The following SLC4A4 variants were observed in gnomAD, a reference collection of about 807,000 sequenced individuals.
SLC4A4 encodes the protein electrogenic sodium bicarbonate cotransporter 1.
Under a neutral mutation model 111.5 loss-of-function variants are expected in SLC4A4, and 27 were observed. The ratio of observed to expected loss-of-function variants is 0.24; its 90% CI spans 0.18 to 0.33. SLC4A4 has a LOEUF of 0.33. SLC4A4 is among the 10% of genes least tolerant of loss of function. The probability of loss-of-function intolerance (pLI) is 1.00; values close to 1 mark genes in which losing one functional copy is unlikely to be tolerated. For missense variants in SLC4A4, 909 were observed against 1,315.5 expected (o/e 0.69, Z 4.78); for synonymous variants, 443 against 463.4 (o/e 0.96, Z 0.57).
intron 7 of SLC4A4, among the ~76,000 whole-genome samples, chr4:71,430,835 A>T (rs1365580515): frequency 4.6e-5 from 7 of 152,124 alleles, no homozygotes; most frequent in Non-Finnish European, 1.0e-4. Flanking sequence ...ACACTTCTAA[A>T]TATTGATTTT....
At chr4:71,103,740 C>T (rs1208432253) in intron 2 of SLC4A4, among the ~76,000 whole-genome samples, 1 of 152,008 alleles carries the variant, frequency 6.6e-6, no homozygotes, top group Non-Finnish European at 1.5e-5. Flanking sequence ...AAAGACACAA[C>T]ATACCAGAAT....
At chr4:71,177,222 A>T (rs550411105) in intron 2 of SLC4A4, among the ~76,000 whole-genome samples, 1 of 152,042 alleles carries the variant, frequency 6.6e-6, no homozygotes, top group Admixed American at 6.5e-5. Context: ...CACTGCAAAA[A>T]CATGCCAAAT....
At chr4:71,555,708 A>T (rs1402749922) in intron 21 of SLC4A4, among the ~76,000 whole-genome samples, 1 of 151,936 alleles carries the variant, frequency 6.6e-6, no homozygotes, top group African/African-American at 2.4e-5. Flanking sequence ...AACTTCAGCT[A>T]TTCATAACTT....
chr4:71,086,599 G>C (rs901630498), intron 1 of SLC4A4, among the ~76,000 whole-genome samples: 14 of 151,964 alleles, frequency 9.2e-5, no homozygotes, highest in Non-Finnish European at 7.3e-5. Context: ...AATTTATTGA[G>C]AGTTTTTAGC....
chr4:71,504,864 A>T lies in SLC4A4; in HGVS notation c.2166+7172A>T, dbSNP rs10024007. ...CAGCATCCACTAGCTTTTCTTCCTGATTCTCTCCCTCTTCCCACCTCCCCC... is the reference window on the plus strand; with the variant it reads ...CAGCATCCACTAGCTTTTCTTCCTGTTTCTCTCCCTCTTCCCACCTCCCCC... On this transcript the variant is annotated intron_variant, in intron 16 of 25. Coordinates refer to ENST00000264485, the MANE Select transcript of SLC4A4 (RefSeq NM_001098484.3). 6.8e-3 allele frequency among the ~76,000 whole-genome samples: 1,032 copies of T among 151,790 alleles called. 12 individuals are homozygous for T. Among genetic ancestry groups the T allele is most frequent in the African/African-American group, 0.023 (966 of 41,396 alleles).
At chr4:71,482,974 AAGTATACCCATTAT>A in intron 14 of SLC4A4, among the ~76,000 whole-genome samples, 1 of 151,788 alleles carries the variant, frequency 6.6e-6, no homozygotes, top group Non-Finnish European at 1.5e-5. Context: ...ATGGGTATAA[AAGTATACCCATTAT>A]ATGCTCTAGG....
At chr4:71,065,393 A>C (rs1206820361) in intron 1 of SLC4A4, among the ~76,000 whole-genome samples, 1 of 151,842 alleles carries the variant, frequency 6.6e-6, no homozygotes, top group Non-Finnish European at 1.5e-5. Flanking sequence ...ATATGTTGTG[A>C]ATTATTGGGC....
chr4:71,408,438 G>A (rs985692280), intron 7 of SLC4A4, among the ~76,000 whole-genome samples: 1 of 152,130 alleles, frequency 6.6e-6, no homozygotes, highest in Non-Finnish European at 1.5e-5. Flanking sequence ...ATGGGCTACT[G>A]CTTTTTTATT....
intron 3 of SLC4A4, among the ~76,000 whole-genome samples, chr4:71,328,175 G>A (rs1308442594): frequency 6.6e-6 from 1 of 151,984 alleles, no homozygotes; most frequent in Non-Finnish European, 1.5e-5. Context: ...TTTCATGGCT[G>A]AATAGTACTC....
Position 71,219,997 on chromosome 4 carries a change from A to C in SLC4A4, c.-1-16579A>C, listed in dbSNP as rs190957084. On this transcript the variant is annotated intron_variant, in intron 1 of 25. Coordinates refer to ENST00000264485, the MANE Select transcript of SLC4A4 (RefSeq NM_001098484.3). Reference sequence around the variant, plus strand: ...GGTGAAGATGCTGTGAACATTGTTGACATGACAACAAAGGATTGGGATTCA... The same window carrying C: ...GGTGAAGATGCTGTGAACATTGTTGCCATGACAACAAAGGATTGGGATTCA... Among the ~76,000 whole-genome samples the C allele has an allele frequency of 1.3e-4, 20 of 152,332 alleles. No individual in the cohort carries two copies. In the East Asian group the frequency reaches 3.3e-3, roughly 25 times the overall value.
chr4:71,433,965 A>G (rs1353064454), intron 7 of SLC4A4, among the ~76,000 whole-genome samples: 1 of 152,090 alleles, frequency 6.6e-6, no homozygotes, highest in Admixed American at 6.6e-5. Context: ...ATAATGTTGA[A>G]TTAGAAAAGC....
intron 10 of SLC4A4, among the ~76,000 whole-genome samples, 157 bp from the exon 11 acceptor site, chr4:71,451,031 A>G (rs1354502625): frequency 6.6e-6 from 1 of 152,244 alleles, no homozygotes; most frequent in African/African-American, 2.4e-5. Flanking sequence ...TCTAAATGTA[A>G]CACTTAAAGA....
chr4:71,213,144 G>A (rs1483457154), intron 1 of SLC4A4, among the ~76,000 whole-genome samples: 1 of 152,176 alleles, frequency 6.6e-6, no homozygotes, highest in Non-Finnish European at 1.5e-5. Flanking sequence ...ATTGACAAAC[G>A]ATGCATTTCT....
intron 2 of SLC4A4, among the ~76,000 whole-genome samples, chr4:71,165,466 C>T (rs919807535): frequency 2.6e-5 from 4 of 152,138 alleles, no homozygotes; most frequent in Non-Finnish European, 5.9e-5. Context: ...GAAAACCAAA[C>T]ACCACATGTT....
chr4:71,255,110 T>C, intron 2 of SLC4A4, 110 bp from the exon 3 acceptor site: 3 of 1,057,046 alleles, frequency 2.8e-6, no homozygotes, highest in South Asian at 2.6e-5. Context: ...AAATATAGAA[T>C]GGTAACGTTG....
intron 7 of SLC4A4, among the ~76,000 whole-genome samples, chr4:71,421,427 C>A (rs925464172): frequency 1.3e-5 from 2 of 152,094 alleles, no homozygotes; most frequent in African/African-American, 4.8e-5. Context: ...GACAGATCAT[C>A]GAGACAGAAA....
chr4:71,433,466 G>A lies in SLC4A4; in HGVS notation c.808-7150G>A, dbSNP rs560530154. On this transcript the variant is annotated intron_variant, in intron 7 of 25. Coordinates refer to ENST00000264485, the MANE Select transcript of SLC4A4 (RefSeq NM_001098484.3). ...ATCATTCTCACATTCCAAAATTGCT[G>A]TAATATCTGCCATAAAAAAAAGAAA... 3.3e-5 allele frequency among the ~76,000 whole-genome samples: 5 copies of A among 151,700 alleles called. No individual in the cohort carries two copies. The South Asian group carries it at 1.0e-3, about 32-fold the overall frequency.
At chr4:71,312,791 T>C (rs937221649) in intron 3 of SLC4A4, among the ~76,000 whole-genome samples, 1 of 152,140 alleles carries the variant, frequency 6.6e-6, no homozygotes, top group Non-Finnish European at 1.5e-5. Flanking sequence ...TGAGAGCTAT[T>C]TATGATAAAC....
chr4:71,453,478 G>A lies in SLC4A4; in HGVS notation c.1323-17G>A, dbSNP rs1423198020. 6.8e-6 allele frequency: 11 copies of A among 1,612,042 alleles called. No individual in the cohort carries two copies. The highest frequency in any genetic ancestry group is 9.3e-6 in the Non-Finnish European group (11 of 1,178,310). ...TTTACTTTACATTTAGTGGATGTTT[G>A]CATTCTCTCTGCCCAGGTTCTGTGG... On this transcript the variant is annotated splice_polypyrimidine_tract_variant and intron_variant, in intron 11 of 25. Transcript: ENST00000264485.
Sources: allele counts gnomAD v4.1 joint callset (sites outside exome capture counted in the v4.1 genomes callset), GRCh38; gene constraint gnomAD v4.1.1; transcripts MANE v1.5; gene names NCBI Gene and HGNC (gene_info 2026-07-23, HGNC 2026-07-21).